Variants in PDE7B observed in about 807,000 individuals in gnomAD.
PDE7B encodes the protein 3',5'-cyclic-AMP phosphodiesterase 7B.
Under a neutral mutation model 56.2 loss-of-function variants are expected in PDE7B, and 29 were observed. The observed-to-expected ratio is 0.52, with a 90% CI of 0.38 to 0.70. PDE7B has a LOEUF of 0.70. Ranked by LOEUF, PDE7B falls within the 30% of genes least tolerant of loss-of-function variation. The pLI is 0.00. For synonymous variants in PDE7B, 197 were observed against 196.9 expected (o/e 1.00, Z 0.00); for missense variants, 490 against 565.0 (o/e 0.87, Z 1.35).
intron 3 of PDE7B, among the ~76,000 whole-genome samples, chr6:136,122,903 T>C (rs919770121): frequency 6.6e-6 from 1 of 152,196 alleles, no homozygotes; most frequent in Non-Finnish European, 1.5e-5. Flanking sequence ...CCTGCTGAGA[T>C]GGATGCTCTT....
chr6:136,080,045 C>T (rs978768148), intron 2 of PDE7B, among the ~76,000 whole-genome samples: 26 of 152,214 alleles, frequency 1.7e-4, no homozygotes, highest in African/African-American at 4.1e-4. Flanking sequence ...CTAGATCTTA[C>T]GCTATCACGA....
At chr6:136,016,667 G>A (rs1325491641) in intron 2 of PDE7B, among the ~76,000 whole-genome samples, 1 of 152,084 alleles carries the variant, frequency 6.6e-6, no homozygotes, top group East Asian at 1.9e-4. Flanking sequence ...TCTCACTGCT[G>A]CAGCATGCCA....
chr6:135,894,102 G>A lies in PDE7B; in HGVS notation c.21+42083G>A, dbSNP rs575758691. On this transcript the variant is annotated intron_variant, in intron 1 of 12. Transcript: ENST00000308191. Reference sequence around the variant, plus strand: ...ATCAGTAACAAAACCTACCATAAAAGTTTTATTCCCAAAATCATCTTGGTA... The same window carrying A: ...ATCAGTAACAAAACCTACCATAAAAATTTTATTCCCAAAATCATCTTGGTA... 2.6e-5 allele frequency among the ~76,000 whole-genome samples: 4 copies of A among 152,170 alleles called. No homozygotes were observed. In the East Asian group the frequency reaches 5.8e-4, roughly 22 times the overall value.
intron 2 of PDE7B, chr6:135,993,108 A>G (rs1775503347): frequency 6.6e-6 from 1 of 152,060 alleles, no homozygotes; most frequent in Non-Finnish European, 1.5e-5. Flanking sequence ...AGTCTGGTCA[A>G]CCCCTGCTAC....
At chr6:136,077,019 T>G (rs1425625820) in intron 2 of PDE7B, among the ~76,000 whole-genome samples, 1 of 151,916 alleles carries the variant, frequency 6.6e-6, no homozygotes, top group African/African-American at 2.4e-5. Flanking sequence ...GATGTCAATT[T>G]CTTTCTTCTT....
intron 1 of PDE7B, among the ~76,000 whole-genome samples, chr6:135,930,359 G>T (rs1471872021): frequency 6.6e-6 from 1 of 152,142 alleles, no homozygotes; most frequent in Non-Finnish European, 1.5e-5. Context: ...TGAGATTTGG[G>T]TGGGGACACA....
intron 1 of PDE7B, among the ~76,000 whole-genome samples, chr6:135,861,611 A>C (rs902931470): frequency 1.2e-4 from 18 of 151,230 alleles, no homozygotes; most frequent in African/African-American, 4.3e-4. Flanking sequence ...ATTCTTCTCA[A>C]GATTGTTTTT....
chr6:135,926,387 A>C (rs1011945106), intron 1 of PDE7B, among the ~76,000 whole-genome samples: 19 of 151,996 alleles, frequency 1.3e-4, no homozygotes, highest in African/African-American at 4.6e-4. Flanking sequence ...ATGCCCGGCA[A>C]ACCTCTGTAT....
intron 1 of PDE7B, among the ~76,000 whole-genome samples, chr6:135,922,161 C>T (rs576859242): frequency 1.3e-5 from 2 of 152,254 alleles, no homozygotes; most frequent in East Asian, 3.9e-4. Flanking sequence ...TGTAAACTGC[C>T]ACCTCAAGAT....
chr6:135,860,007 G>T (rs1775115770), intron 1 of PDE7B, among the ~76,000 whole-genome samples: 1 of 152,010 alleles, frequency 6.6e-6, no homozygotes, highest in Non-Finnish European at 1.5e-5. Context: ...CAGATGCTAA[G>T]AATGATACTG....
intron 2 of PDE7B, among the ~76,000 whole-genome samples, chr6:136,096,877 G>C (rs1583878777): frequency 6.6e-6 from 1 of 151,928 alleles, no homozygotes; most frequent in African/African-American, 2.4e-5. Context: ...CTCTCTCTCT[G>C]TGTCTCTCTC....
chr6:136,091,622 A>G (rs1175500013), intron 2 of PDE7B, among the ~76,000 whole-genome samples: 2 of 152,220 alleles, frequency 1.3e-5, no homozygotes, highest in Non-Finnish European at 2.9e-5. Flanking sequence ...CTCAAGAAGT[A>G]TATGTTCTAA....
intron 3 of PDE7B, among the ~76,000 whole-genome samples, chr6:136,137,144 A>C (rs911212430): frequency 1.3e-5 from 2 of 152,002 alleles, no homozygotes; most frequent in Admixed American, 1.3e-4. Context: ...AATCCCAGCT[A>C]CCCTGGAGGC....
intron 1 of PDE7B, among the ~76,000 whole-genome samples, chr6:135,852,891 T>C (rs1320673116): frequency 6.6e-6 from 1 of 152,134 alleles, no homozygotes. Context: ...GTAAACCTCT[T>C]TGCACCAGAG....
At chr6:136,018,735 A>G (rs116597075) in intron 2 of PDE7B, among the ~76,000 whole-genome samples, 1,741 of 152,014 alleles carry the variant, frequency 0.011, 40 homozygotes, top group African/African-American at 0.039. Flanking sequence ...TACGTGTACA[A>G]TTTGCCTTTT....
intron 2 of PDE7B, among the ~76,000 whole-genome samples, chr6:136,063,584 G>T (rs1583859709): frequency 6.6e-6 from 1 of 152,166 alleles, no homozygotes; most frequent in African/African-American, 2.4e-5. Flanking sequence ...CCAAGGCACA[G>T]CTCTGCTTAT....
At chr6:136,001,724 C>T (rs1285850649) in intron 2 of PDE7B, among the ~76,000 whole-genome samples, 2 of 152,274 alleles carry the variant, frequency 1.3e-5, no homozygotes, top group Admixed American at 1.3e-4. Flanking sequence ...CTACATCTGA[C>T]TGGTGTACCT....
chr6:136,178,971 T>A (rs1266778374), intron 9 of PDE7B, 26 bp from the exon 10 acceptor site: 1 of 1,613,282 alleles, frequency 6.2e-7, no homozygotes, highest in Non-Finnish European at 8.5e-7. Flanking sequence ...TGTGTGTGTT[T>A]TTCTCTTTCA....
chr6:136,159,214 G>A (rs948649035), intron 8 of PDE7B, among the ~76,000 whole-genome samples: 16 of 152,152 alleles, frequency 1.1e-4, no homozygotes, highest in African/African-American at 3.9e-4. Context: ...CAGCCAGGAG[G>A]AATATTCCTT....
Sources: allele counts gnomAD v4.1 joint callset (sites outside exome capture counted in the v4.1 genomes callset), GRCh38; gene constraint gnomAD v4.1.1; transcripts MANE v1.5; gene names NCBI Gene and HGNC (gene_info 2026-07-23, HGNC 2026-07-21).